MEP1A: variants seen among roughly 807,000 people sequenced by gnomAD.
MEP1A encodes N-benzoyl-L-tyrosyl-P-amino-benzoic acid hydrolase subunit alpha.
A neutral mutation model predicts 84.5 loss-of-function variants in MEP1A; 68 were observed. That is an observed-to-expected ratio of 0.80 (90% CI 0.66 to 0.98). MEP1A has a LOEUF of 0.98. Ranked by LOEUF, MEP1A falls within the 50% of genes least tolerant of loss-of-function variation. The pLI, the probability that MEP1A is intolerant of heterozygous loss-of-function variation, is 0.00. For missense variants in MEP1A, 887 were observed against 919.9 expected (o/e 0.96, Z 0.46); for synonymous variants, 337 against 336.8 (o/e 1.00, Z -0.01).
At chr6:46,806,065 A>G (rs1027866864) in intron 5 of MEP1A, among the ~76,000 whole-genome samples, 6 of 152,136 alleles carry the variant, frequency 3.9e-5, no homozygotes, top group South Asian at 4.1e-4. Context: ...GTTCTTTTAT[A>G]TAATTCCCAT....
At chr6:46,797,834 C>CTTTCTTTCTTTCTTTCTTTCTT in intron 3 of MEP1A, among the ~76,000 whole-genome samples, 2 of 145,400 alleles carry the variant, frequency 1.4e-5, no homozygotes, top group African/African-American at 5.2e-5. Flanking sequence ...TTCTTTCTTT[C>CTTTCTTTCTTTCTTTCTTTCTT]TTTCTCTCTC....
chr6:46,824,995 G>C (rs28410801), intron 7 of MEP1A, among the ~76,000 whole-genome samples: 2 of 119,902 alleles, frequency 1.7e-5, no homozygotes, highest in Admixed American at 8.5e-5. Flanking sequence ...TATTTAAATA[G>C]ATCTATTTAA....
chr6:46,824,897 ATATATAAATTATATATTTAAATAGATC>A, intron 7 of MEP1A, among the ~76,000 whole-genome samples: 1 of 115,258 alleles, frequency 8.7e-6, no homozygotes, highest in Non-Finnish European at 1.6e-5. Flanking sequence ...TATAAATTAT[ATATATAAATTATATATTTAAATAGATC>A]TATTTAAATA....
chr6:46,816,008 C>A (rs1179553412), intron 6 of MEP1A, among the ~76,000 whole-genome samples: 1 of 152,074 alleles, frequency 6.6e-6, no homozygotes, highest in Non-Finnish European at 1.5e-5. Context: ...ATGATCTCGG[C>A]TCACTGGAAC....
In MEP1A at chr6:46,829,537, T is replaced by A; in HGVS notation, c.1110T>A (p.Asn370Lys). ...VWVRRDDSTGNVRKLVKVQTF... is the reference protein window; with the variant it reads ...VWVRRDDSTGKVRKLVKVQTF... Reference sequence around the variant, plus strand: ...TCAGGAGGGATGACAGCACAGGCAATGTTCGCAAGTTGGTGAAGGTGCAGA... The same window carrying A: ...TCAGGAGGGATGACAGCACAGGCAAAGTTCGCAAGTTGGTGAAGGTGCAGA... Residue 370 changes from asparagine to lysine, a missense_variant, in exon 10 of 14, where the codon AAT becomes AAA. Asn to Lys is a moderately conservative substitution (Grantham distance 94, BLOSUM62 0). Coordinates refer to ENST00000230588, the MANE Select transcript of MEP1A (RefSeq NM_005588.3). 1.2e-6 allele frequency: 2 copies of A among 1,614,130 alleles called. No homozygotes were observed. The highest frequency in any genetic ancestry group is 1.7e-6 in the Non-Finnish European group (2 of 1,180,012).
intron 13 of MEP1A, among the ~76,000 whole-genome samples, chr6:46,837,527 G>A (rs989312337): frequency 5.3e-5 from 8 of 152,166 alleles, no homozygotes; most frequent in Non-Finnish European, 1.0e-4. Context: ...TCTGTTTCTG[G>A]GCTCCAAAGC....
chr6:46,812,590 TG>T (rs1467671131), intron 6 of MEP1A, among the ~76,000 whole-genome samples: 2 of 152,108 alleles, frequency 1.3e-5, no homozygotes, highest in African/African-American at 4.8e-5. Flanking sequence ...TCAGACTTTT[TG>T]GTGTCATTTA....
chr6:46,838,866 C>G lies in MEP1A; in HGVS notation c.2085-114C>G, dbSNP rs541779321. On this transcript the variant is annotated intron_variant, in intron 13 of 13. Transcript: ENST00000230588. The stretch of plus-strand genomic sequence containing the variant: ...GCTCTTGAAATGGGACCAGGCACCA[C>G]GTGGACCTGCTCAGTGAGCGTTTGC... 10 of 856,894 alleles carry G rather than the reference C, an allele frequency of 1.2e-5. No individual in the cohort carries two copies. The African/African-American group carries it at 1.5e-4, about 13-fold the overall frequency. 53.1% of individuals were successfully genotyped at this position (856,894 alleles called of 1,614,324 possible).
At chr6:46,821,272 T>C (rs998470521) in intron 7 of MEP1A, among the ~76,000 whole-genome samples, 3 of 152,160 alleles carry the variant, frequency 2.0e-5, no homozygotes, top group Non-Finnish European at 4.4e-5. Flanking sequence ...TAACTTATAA[T>C]AGTCTAATAG....
intron 12 of MEP1A, 132 bp from the exon 13 acceptor site, chr6:46,835,117 C>A: frequency 1.3e-6 from 1 of 782,570 alleles, no homozygotes. Context: ...CAGCTGGATT[C>A]AAAGCCACTT....
intron 3 of MEP1A, among the ~76,000 whole-genome samples, chr6:46,797,597 G>A (rs1299904735): frequency 6.6e-6 from 1 of 152,118 alleles, no homozygotes; most frequent in African/African-American, 2.4e-5. Context: ...ATGGGAAAGA[G>A]CAAAACACAC....
rs138492040 is a variant in MEP1A at position 46,793,639 on chromosome 6, A to G, written c.95-27A>G. Reference sequence around the variant, plus strand: ...ACTTTTTTCCTTCGGCAAGACTAATAATAATTTTTTTTCTCACTTTTAACA... The same window carrying G: ...ACTTTTTTCCTTCGGCAAGACTAATGATAATTTTTTTTCTCACTTTTAACA... On this transcript the variant is annotated intron_variant, in intron 2 of 13. Transcript: ENST00000230588. 62 of 1,591,732 alleles carry G rather than the reference A, an allele frequency of 3.9e-5. No homozygotes were observed. The East Asian group carries it at 1.2e-3, about 31-fold the overall frequency.
At chr6:46,810,517 G>A (rs544045196) in intron 6 of MEP1A, among the ~76,000 whole-genome samples, 2 of 152,104 alleles carry the variant, frequency 1.3e-5, no homozygotes, top group South Asian at 4.1e-4. Context: ...TTTGCTTTTA[G>A]CTTCTTGTCA....
intron 9 of MEP1A, among the ~76,000 whole-genome samples, chr6:46,827,770 T>C (rs1468888212): frequency 1.3e-5 from 2 of 152,214 alleles, no homozygotes; most frequent in Non-Finnish European, 2.9e-5. Flanking sequence ...ATTTCTGTTG[T>C]AGCCTCTAAT....
chr6:46,834,116 T>A (rs148248352), intron 11 of MEP1A, among the ~76,000 whole-genome samples: 385 of 151,828 alleles, frequency 2.5e-3, no homozygotes, highest in African/African-American at 8.6e-3. Flanking sequence ...AGAGATGGGG[T>A]TTCACCGTGT....
At chr6:46,829,811 A>T (rs935340427) in intron 10 of MEP1A, among the ~76,000 whole-genome samples, 10 of 152,148 alleles carry the variant, frequency 6.6e-5, no homozygotes, top group African/African-American at 2.2e-4. Context: ...GATGAAATAT[A>T]CTTTTGTAAG....
Position 46,833,095 on chromosome 6 carries a change from A to G in MEP1A, c.1166A>G (p.Lys389Arg). 6.6e-7 allele frequency: 1 copy of G among 1,526,442 alleles called. No individual in the cohort carries two copies. The highest frequency in any genetic ancestry group is 8.8e-7 in the Non-Finnish European group (1 of 1,140,940). 94.6% of individuals were successfully genotyped at this position (1,526,442 alleles called of 1,614,324 possible). A position where few individuals can be genotyped will look rare whatever the true frequency, so the allele number is the denominator to read the frequency against. ...TFQGDDDHNWKIAHVVLKEEQ... is the reference protein window; with the variant it reads ...TFQGDDDHNWRIAHVVLKEEQ... Reference sequence around the variant, plus strand: ...TCAGGAGATGATGACCACAATTGGAAAATTGCCCATGTGGTGCTCAAAGAG... The same window carrying G: ...TCAGGAGATGATGACCACAATTGGAGAATTGCCCATGTGGTGCTCAAAGAG... Residue 389 changes from lysine to arginine, a missense_variant, in exon 11 of 14, where the codon AAA becomes AGA. Transcript: ENST00000230588.
chr6:46,797,880 TTCCTTCCTTCCTTCC>T, intron 3 of MEP1A, among the ~76,000 whole-genome samples: 1 of 50,570 alleles, frequency 2.0e-5, no homozygotes, highest in Non-Finnish European at 3.9e-5. Flanking sequence ...CTTTCCTTCC[TTCCTTCCTTCCTTCC>T]TTCCTTCCTT....
At chr6:46,842,012 G>A (rs762083027), downstream of MEP1A, among the ~76,000 whole-genome samples, 22 of 152,196 alleles carry the variant, frequency 1.4e-4, no homozygotes, top group South Asian at 1.2e-3. Flanking sequence ...TCTTATGCCC[G>A]TCTTTACTGC....
Sources: allele counts gnomAD v4.1 joint callset (sites outside exome capture counted in the v4.1 genomes callset), GRCh38; gene constraint gnomAD v4.1.1; transcripts MANE v1.5; gene names NCBI Gene and HGNC (gene_info 2026-07-23, HGNC 2026-07-21).